The following SYN2 variants were observed in gnomAD, a reference collection of about 807,000 sequenced individuals.
SYN2 encodes the protein synapsin II, also known as synapsin-2.
In SYN2, 19 loss-of-function variants were observed where a neutral mutation model predicts 50.9. The observed-to-expected ratio is 0.37, with a 90% confidence interval of 0.26 to 0.55. SYN2 has a LOEUF of 0.55. Among genes scored for constraint, SYN2 ranks in the 20% least tolerant of loss-of-function variants. The pLI, the probability that SYN2 is intolerant of heterozygous loss-of-function variation, is 0.81. For synonymous variants in SYN2, 255 were observed against 224.9 expected (o/e 1.13, Z -1.20); for missense variants, 587 against 576.4 (o/e 1.02, Z -0.19).
chr3:12,158,931 C>T, intron 5 of SYN2: 1 of 1,423,566 alleles, frequency 7.0e-7, no homozygotes, highest in East Asian at 2.7e-5. Context: ...GCCCCTCGCC[C>T]CAGGCTTTAT....
intron 1 of SYN2, among the ~76,000 whole-genome samples, chr3:12,137,722 A>T (rs984061193): frequency 6.6e-6 from 1 of 152,236 alleles, no homozygotes; most frequent in Non-Finnish European, 1.5e-5. Flanking sequence ...AAAAAAATTT[A>T]TGTAGCATGC....
chr3:12,068,038 G>A (rs1295814798), intron 1 of SYN2, among the ~76,000 whole-genome samples: 1 of 152,172 alleles, frequency 6.6e-6, no homozygotes, highest in Non-Finnish European at 1.5e-5. Flanking sequence ...CAGCCTGGGT[G>A]ACAGAGTGAG....
intron 1 of SYN2, among the ~76,000 whole-genome samples, chr3:12,093,110 T>C (rs1695863287): frequency 6.6e-6 from 1 of 152,208 alleles, no homozygotes; most frequent in African/African-American, 2.4e-5. Context: ...TTAAGTTTCT[T>C]TCTAGCTCCA....
chr3:12,053,789 TTAAAA>T lies in SYN2; in HGVS notation c.377+48865_377+48869del, dbSNP rs1347518302. Among the ~76,000 whole-genome samples the T allele has an allele frequency of 3.9e-5, 6 of 152,300 alleles. No homozygotes were observed. The South Asian group carries it at 8.3e-4, about 21-fold the overall frequency. On this transcript the variant is annotated intron_variant, in intron 1 of 12. Coordinates refer to ENST00000621198, the MANE Select transcript of SYN2 (RefSeq NM_133625.6). ...TTTTTGTATGCCTCAAGTAATTAACTTAAAATAAGTTAAATTAAAAAATTAAGTTT... is the reference window on the plus strand; with the variant it reads ...TTTTTGTATGCCTCAAGTAATTAACTTAAGTTAAATTAAAAAATTAAGTTT...
chr3:12,168,531 G>A lies in SYN2; in HGVS notation c.1158+53G>A, dbSNP rs1697861388. On this transcript the variant is annotated intron_variant, in intron 9 of 12. Transcript: ENST00000621198. ...AACTCCTAAGGCTTAAGAACTATGT[G>A]GGCAGCTCAGACTGCCTTTAATTTG... 3 of 1,466,780 alleles carry A rather than the reference G, an allele frequency of 2.0e-6. No homozygotes were observed. In the East Asian group the frequency reaches 6.9e-5, roughly 34 times the overall value. The allele number at this position is 1,466,780 out of a possible 1,614,324, so 90.9% of individuals were successfully genotyped here.
chr3:12,141,589 A>G (rs80009497), intron 2 of SYN2, among the ~76,000 whole-genome samples: 26 of 152,346 alleles, frequency 1.7e-4, no homozygotes, highest in African/African-American at 5.5e-4. Flanking sequence ...CGCTCTGTAG[A>G]GAGGCAGCAC....
chr3:12,110,005 T>C (rs916098468), intron 1 of SYN2, among the ~76,000 whole-genome samples: 1 of 152,116 alleles, frequency 6.6e-6, no homozygotes, highest in Non-Finnish European at 1.5e-5. Context: ...CTAGGCAACA[T>C]AGCAAGACCC....
At chr3:12,164,742 C>G (rs1269226007) in intron 7 of SYN2, among the ~76,000 whole-genome samples, 1 of 152,272 alleles carries the variant, frequency 6.6e-6, no homozygotes, top group East Asian at 1.9e-4. Flanking sequence ...GATCTATGCC[C>G]TGCATCCCAT....
chr3:12,175,626 C>T (rs762908312), intron 10 of SYN2, among the ~76,000 whole-genome samples: 15 of 152,244 alleles, frequency 9.9e-5, no homozygotes, highest in Non-Finnish European at 1.8e-4. Context: ...TTCTCCTTCT[C>T]TATCGTTGTC....
At chr3:12,160,042 CAAAAAAAAAAAAAAAA>C (rs3079818) in intron 5 of SYN2, among the ~76,000 whole-genome samples, 1 of 67,614 alleles carries the variant, frequency 1.5e-5, no homozygotes, top group Admixed American at 2.0e-4. Context: ...GACTCCGTCT[CAAAAAAAAAAAAAAAA>C]AAAAAAAAGT....
chr3:12,128,403 G>T (rs1696718978), intron 1 of SYN2, among the ~76,000 whole-genome samples: 1 of 152,120 alleles, frequency 6.6e-6, no homozygotes, highest in South Asian at 2.1e-4. Flanking sequence ...CTCTAAGGAG[G>T]CAGCATGGTG....
intron 1 of SYN2, among the ~76,000 whole-genome samples, chr3:12,140,245 A>G (rs1042847637): frequency 6.6e-6 from 1 of 152,236 alleles, no homozygotes; most frequent in African/African-American, 2.4e-5. Context: ...TTAAAAACTA[A>G]AAATCCAAGG....
At chr3:12,155,849 G>A (rs1397544886) in intron 5 of SYN2, among the ~76,000 whole-genome samples, 5 of 152,188 alleles carry the variant, frequency 3.3e-5, no homozygotes, top group Admixed American at 2.6e-4. Flanking sequence ...CGATAATAGA[G>A]TTTGAAAGGG....
chr3:12,054,544 C>T (rs895944774), intron 1 of SYN2, among the ~76,000 whole-genome samples: 1 of 152,102 alleles, frequency 6.6e-6, no homozygotes, highest in Non-Finnish European at 1.5e-5. Flanking sequence ...CAATTACTTA[C>T]ATTATCTGAA....
intron 1 of SYN2, among the ~76,000 whole-genome samples, chr3:12,025,166 TG>T (rs375687144): frequency 0.03 from 4,478 of 151,718 alleles, 106 homozygotes; most frequent in Middle Eastern, 0.061. Flanking sequence ...ATTCCCATCA[TG>T]GGGGGGGAGG....
chr3:12,175,167 C>T (rs1054283347), intron 10 of SYN2, among the ~76,000 whole-genome samples: 1 of 152,210 alleles, frequency 6.6e-6, no homozygotes, highest in Non-Finnish European at 1.5e-5. Flanking sequence ...ATACAAATGA[C>T]ATTGATAAAA....
rs550280052 is a variant in SYN2 at position 12,085,385 on chromosome 3, G to A, written c.378-55266G>A. On this transcript the variant is annotated intron_variant, in intron 1 of 12. Coordinates refer to ENST00000621198, the MANE Select transcript of SYN2 (RefSeq NM_133625.6). ...CACACACACACACACACACACGCAC[G>A]CACGCACGCACTCGATGTCAGAGCA... is the stretch of plus-strand genomic sequence containing the variant. Among the ~76,000 whole-genome samples, 27 of 137,640 alleles carry A rather than the reference G, an allele frequency of 2.0e-4. No individual in the cohort carries two copies. In the East Asian group the frequency reaches 3.5e-3, roughly 18 times the overall value. The allele number at this position is 137,640 out of a possible 152,430, so 90.3% of individuals were successfully genotyped here. A position where few individuals can be genotyped will look rare whatever the true frequency, so the allele number is the denominator to read the frequency against.
At chr3:12,083,631 GT>G (rs1189690748) in intron 1 of SYN2, among the ~76,000 whole-genome samples, 1 of 152,152 alleles carries the variant, frequency 6.6e-6, no homozygotes, top group African/African-American at 2.4e-5. Flanking sequence ...TATAACTTCT[GT>G]TTTTGTGGAC....
intron 8 of SYN2, 65 bp from the exon 9 acceptor site, chr3:12,168,311 C>T (rs548943596): frequency 1.5e-6 from 2 of 1,376,174 alleles, no homozygotes; most frequent in East Asian, 2.4e-5. Context: ...GAGAGCCTGA[C>T]TGGCAAGCAA....
Sources: gnomAD v4.1 joint callset for allele counts (sites outside exome capture counted in the v4.1 genomes callset) on GRCh38, gnomAD v4.1.1 for gene constraint, MANE v1.5 for transcripts, NCBI Gene and HGNC (gene_info 2026-07-23, HGNC 2026-07-21) for gene names.